The following CSMD3 variants were observed in gnomAD, a reference collection of about 807,000 sequenced individuals.
CSMD3 encodes the protein CUB and sushi domain-containing protein 3.
A neutral mutation model predicts 435.2 loss-of-function variants in CSMD3; 177 were observed. That is an observed-to-expected ratio of 0.41 (90% CI 0.36 to 0.46). CSMD3 has a LOEUF of 0.46. Among genes scored for constraint, CSMD3 ranks in the 20% least tolerant of loss-of-function variants. CSMD3 has a pLI of 0.34. For synonymous variants in CSMD3, 1,656 were observed against 1,520.5 expected (o/e 1.09, Z -2.07); for missense variants, 4,265 against 4,504.6 (o/e 0.95, Z 1.52).
At chr8:112,976,247 A>G in intron 6 of CSMD3, 99 bp from the exon 7 acceptor site, 1 of 1,361,254 alleles carries the variant, frequency 7.3e-7, no homozygotes, top group Non-Finnish European at 1.0e-6. Context: ...CTATTACCTT[A>G]AGGATAATCA....
At chr8:112,444,584 G>A (rs1003799055) in intron 32 of CSMD3, among the ~76,000 whole-genome samples, 1 of 152,148 alleles carries the variant, frequency 6.6e-6, no homozygotes, top group African/African-American at 2.4e-5. Context: ...AAAATTTTAT[G>A]ATAGCAAAAA....
Position 112,472,611 on chromosome 8 carries a change from A to G in CSMD3, c.5375T>C (p.Ile1792Thr). 2 of 1,584,100 alleles carry G rather than the reference A, an allele frequency of 1.3e-6. No individual in the cohort carries two copies. The highest frequency in any genetic ancestry group is 1.7e-6 in the Non-Finnish European group (2 of 1,152,834). The change falls in exon 32 of 71, where the codon ATA (isoleucine) becomes ACA (threonine). Residue 1792 changes from isoleucine (I) to threonine (T), a missense_variant. By Grantham distance (89) the Ile-to-Thr change is moderately conservative. Around this residue, in one of 3 missense-constraint regions of CSMD3, gnomAD observed 3,255 missense variants for 3,380.2 expected, o/e 0.96. Coordinates refer to ENST00000297405, the MANE Select transcript of CSMD3 (RefSeq NM_198123.2). ...CTTACCAAACTCCTTTGGAACTGCT[A>G]TAGAATAAACACAATTATGTCCCAC... ...YSVGHNCVYS[I>T]AVPKEFVVFG...
intron 1 of CSMD3, among the ~76,000 whole-genome samples, chr8:113,343,231 G>A (rs1460082251): frequency 1.3e-5 from 2 of 151,914 alleles, no homozygotes; most frequent in Non-Finnish European, 2.9e-5. Flanking sequence ...ATCTTCTGAA[G>A]GTAATTTAAA....
At position 112,521,957 on chromosome 8, in the gene CSMD3, G is replaced by A. The variant is rs993347768; in HGVS notation, c.4565-4732C>T. Among the ~76,000 whole-genome samples, 6 of 151,498 alleles carry A rather than the reference G, an allele frequency of 4.0e-5. No homozygotes were observed. The East Asian group carries it at 1.2e-3, about 29-fold the overall frequency. On this transcript the variant is annotated intron_variant, in intron 27 of 70. Transcript: ENST00000297405. ...TTTTAGAAATTGTTCAAAATAGAAGGTAAAAATCGTTGACATAAGAAATAG... is the reference window on the plus strand; with the variant it reads ...TTTTAGAAATTGTTCAAAATAGAAGATAAAAATCGTTGACATAAGAAATAG...
At chr8:113,309,859 A>G (rs993063070) in intron 2 of CSMD3, 3 of 152,188 alleles carry the variant, frequency 2.0e-5, no homozygotes, top group African/African-American at 7.2e-5. Context: ...GTTTTTCTAG[A>G]ATACTGTTGA....
chr8:113,042,132 G>GT (rs1295617049), intron 5 of CSMD3, among the ~76,000 whole-genome samples: 1 of 152,054 alleles, frequency 6.6e-6, no homozygotes, highest in Admixed American at 6.5e-5. Flanking sequence ...CATTTTGTAT[G>GT]TTTTTGTAAA....
chr8:112,316,107 A>G (rs925106462), intron 47 of CSMD3, among the ~76,000 whole-genome samples: 2 of 151,852 alleles, frequency 1.3e-5, no homozygotes, highest in African/African-American at 4.8e-5. Context: ...TAACTTGAAA[A>G]GACTTCTTGA....
chr8:112,509,372 G>A (rs1232491701), intron 28 of CSMD3, among the ~76,000 whole-genome samples: 2 of 152,132 alleles, frequency 1.3e-5, no homozygotes, highest in Admixed American at 1.3e-4. Flanking sequence ...TTACAGGTGT[G>A]AGCCACCATG....
intron 32 of CSMD3, among the ~76,000 whole-genome samples, chr8:112,455,106 A>C (rs547760792): frequency 1.4e-4 from 21 of 152,282 alleles, no homozygotes; most frequent in African/African-American, 5.1e-4. Context: ...TACCCAAAGG[A>C]AAATAAATTG....
intron 26 of CSMD3, 50 bp from the exon 27 acceptor site, chr8:112,550,923 T>A (rs752658336): frequency 1.4e-6 from 2 of 1,387,510 alleles, no homozygotes; most frequent in African/African-American, 1.4e-5. Context: ...GATTCAACTT[T>A]AAAGAAAAAA....
chr8:112,291,142 A>G (rs1435763411), intron 56 of CSMD3, among the ~76,000 whole-genome samples: 2 of 151,950 alleles, frequency 1.3e-5, no homozygotes, highest in Non-Finnish European at 2.9e-5. Flanking sequence ...TTCTGAATCC[A>G]TGATGGATGT....
At chr8:112,349,219 T>G in intron 40 of CSMD3, among the ~76,000 whole-genome samples, 1 of 152,166 alleles carries the variant, frequency 6.6e-6, no homozygotes, top group Middle Eastern at 3.4e-3. Flanking sequence ...GAAAAAGAAG[T>G]AATTGCACAA....
At chr8:112,897,209 G>T (rs913898089) in intron 10 of CSMD3, among the ~76,000 whole-genome samples, 19 of 151,302 alleles carry the variant, frequency 1.3e-4, no homozygotes, top group African/African-American at 4.1e-4. Flanking sequence ...ACTTACGTAT[G>T]CATGCATGTG....
chr8:113,153,406 A>C (rs2091871292), intron 4 of CSMD3, among the ~76,000 whole-genome samples: 1 of 152,094 alleles, frequency 6.6e-6, no homozygotes, highest in Admixed American at 6.6e-5. Context: ...AAGAGGCATA[A>C]TTAAGGGAAC....
chr8:112,292,818 G>T (rs1781051913), intron 54 of CSMD3, 108 bp from the exon 55 acceptor site: 3 of 948,268 alleles, frequency 3.2e-6, no homozygotes, highest in Admixed American at 2.0e-5. Context: ...AAAGTAGAAA[G>T]AAGACTACTT....
At chr8:112,689,165 C>G (rs936727258) in intron 14 of CSMD3, among the ~76,000 whole-genome samples, 5 of 152,006 alleles carry the variant, frequency 3.3e-5, no homozygotes, top group African/African-American at 9.7e-5. Flanking sequence ...CTCTTCTAGA[C>G]TTCCTGAAGA....
At chr8:112,739,127 G>A (rs1299529058) in intron 13 of CSMD3, among the ~76,000 whole-genome samples, 1 of 151,506 alleles carries the variant, frequency 6.6e-6, no homozygotes, top group African/African-American at 2.4e-5. Flanking sequence ...AAGGGCGAAA[G>A]GTTAACATAA....
intron 1 of CSMD3, among the ~76,000 whole-genome samples, chr8:113,366,947 A>C (rs758253577): frequency 3.5e-4 from 53 of 152,060 alleles, no homozygotes; most frequent in Non-Finnish European, 5.2e-4. Context: ...ACAAAATCAT[A>C]TTTATTGAAA....
chr8:112,277,709 T>C (rs1188630683), intron 59 of CSMD3, among the ~76,000 whole-genome samples: 1 of 152,128 alleles, frequency 6.6e-6, no homozygotes, highest in Admixed American at 6.5e-5. Context: ...TTTAATGGAC[T>C]CACAGTTCCA....
Sources: gnomAD v4.1 joint callset for allele counts (sites outside exome capture counted in the v4.1 genomes callset) on GRCh38, gnomAD v4.1.1 for gene constraint, gnomAD v4.1.1 regional missense constraint, MANE v1.5 for transcripts, NCBI Gene and HGNC (gene_info 2026-07-23, HGNC 2026-07-21) for gene names.